The following SFMBT1 variants were observed in gnomAD, a reference collection of about 807,000 sequenced individuals.
SFMBT1 encodes the protein Scm like with four mbt domains 1, also known as scm-like with four MBT domains protein 1.
SFMBT1 carries 32 observed loss-of-function variants against 108.7 expected under a neutral mutation model. The ratio of observed to expected loss-of-function variants is 0.29; its 90% CI spans 0.22 to 0.40. The LOEUF (loss-of-function observed/expected upper bound fraction) is 0.40, where lower values mean the gene tolerates loss of function less well. SFMBT1 is among the 10% of genes least tolerant of loss of function. The pLI is 1.00. For synonymous variants in SFMBT1, 348 were observed against 369.5 expected (o/e 0.94, Z 0.67); for missense variants, 816 against 1,059.6 (o/e 0.77, Z 3.19).
chr3:52,923,422 C>G (rs1243156541), intron 10 of SFMBT1, among the ~76,000 whole-genome samples: 1 of 151,870 alleles, frequency 6.6e-6, no homozygotes, highest in African/African-American at 2.4e-5. Context: ...AAAAAATTAG[C>G]TGGGTGTGGT....
chr3:52,940,858 G>A (rs1158838508), intron 4 of SFMBT1, among the ~76,000 whole-genome samples: 1 of 152,050 alleles, frequency 6.6e-6, no homozygotes, highest in Non-Finnish European at 1.5e-5. Context: ...CCTGTAATAA[G>A]GCAAATCAAT....
intron 1 of SFMBT1, among the ~76,000 whole-genome samples, chr3:53,041,698 C>CATAA (rs1700060024): frequency 2.3e-5 from 1 of 44,114 alleles, no homozygotes; most frequent in Non-Finnish European, 4.0e-5. Context: ...AAGTCTGTCT[C>CATAA]AAAAAAAAAA....
chr3:52,960,268 G>T (rs9809655), intron 2 of SFMBT1, among the ~76,000 whole-genome samples: 2 of 151,962 alleles, frequency 1.3e-5, no homozygotes, highest in African/African-American at 4.8e-5. Context: ...AAAAGAATAC[G>T]TATCAACTTC....
At chr3:53,012,916 T>C (rs1001632351) in intron 1 of SFMBT1, among the ~76,000 whole-genome samples, 2 of 151,672 alleles carry the variant, frequency 1.3e-5, no homozygotes, top group African/African-American at 4.9e-5. Flanking sequence ...GATTGGAGCA[T>C]ATTTCACCTG....
chr3:53,006,566 T>C (rs1698749373), intron 1 of SFMBT1, among the ~76,000 whole-genome samples: 1 of 149,082 alleles, frequency 6.7e-6, no homozygotes, highest in Non-Finnish European at 1.5e-5. Context: ...GAGACAGAGG[T>C]TGTAGTGAGC....
At chr3:52,972,841 A>AACACACACACACACAC (rs55688451) in intron 1 of SFMBT1, among the ~76,000 whole-genome samples, 12 of 118,916 alleles carry the variant, frequency 1.0e-4, no homozygotes, top group African/African-American at 3.4e-4. Context: ...ATCTCTACTA[A>AACACACACACACACAC]ACACACACAC....
chr3:52,980,655 TAAAAAAA>T (rs34854186), intron 1 of SFMBT1, among the ~76,000 whole-genome samples: 3 of 125,138 alleles, frequency 2.4e-5, no homozygotes, highest in African/African-American at 8.8e-5. Context: ...GACCATTGTT[TAAAAAAA>T]AAAAAAAAAA....
At chr3:52,988,299 A>AT (rs1234774454) in intron 1 of SFMBT1, among the ~76,000 whole-genome samples, 2 of 152,248 alleles carry the variant, frequency 1.3e-5, no homozygotes, top group Non-Finnish European at 2.9e-5. Flanking sequence ...ATTCACTGGA[A>AT]TTTTTTTTAA....
rs375253884 is a variant in SFMBT1 at position 52,907,550 on chromosome 3, C to T, written c.2085+5G>A. ...GACATTACAGGCACATCACAGATCT[C>T]ATACCTGGGGAGAGCCCGCTGGGGT... is the stretch of plus-strand genomic sequence containing the variant. On this transcript the variant is annotated splice_donor_5th_base_variant and intron_variant, in intron 18 of 20. Transcript: ENST00000394752. 10 of 1,611,038 alleles carry T rather than the reference C, an allele frequency of 6.2e-6. No homozygotes were observed. In the African/African-American group the frequency reaches 9.4e-5, roughly 15 times the overall value.
intron 1 of SFMBT1, among the ~76,000 whole-genome samples, chr3:53,020,093 G>A (rs1699254690): frequency 6.6e-6 from 1 of 151,670 alleles, no homozygotes; most frequent in African/African-American, 2.4e-5. Context: ...GCCGTGGCCA[G>A]TGAGTACCAA....
rs1450219979 is a variant in SFMBT1 at position 52,934,850 on chromosome 3, A to T, written c.416T>A (p.Ile139Lys). 2 of 1,613,660 alleles carry T rather than the reference A, an allele frequency of 1.2e-6. No individual in the cohort carries two copies. Among genetic ancestry groups the T allele is most frequent in the Non-Finnish European group, 1.7e-6 (2 of 1,179,836 alleles). ...CGGAACAGGAGGACTACATGCTCCT[A>T]TCAGGGTCTGCCGCAGAAACTCATC... ...DWDEFLRQTLIGACSPPVPLL... is the reference protein window; with the variant it reads ...DWDEFLRQTLKGACSPPVPLL... Residue 139 changes from isoleucine to lysine, a missense_variant, in exon 5 of 21, where the codon ATA becomes AAA. Physicochemically the swap from Ile to Lys is moderately radical, Grantham distance 102 (BLOSUM62 -3). Around this residue, in one of 5 missense-constraint regions of SFMBT1, gnomAD observed 495 missense variants for 607.4 expected, o/e 0.81. Coordinates refer to ENST00000394752, the MANE Select transcript of SFMBT1 (RefSeq NM_016329.4).
chr3:53,023,877 A>T (rs1699397492), intron 1 of SFMBT1, among the ~76,000 whole-genome samples: 1 of 152,176 alleles, frequency 6.6e-6, no homozygotes, highest in African/African-American at 2.4e-5. Context: ...CCAAATTCAA[A>T]ATTTATATAA....
intron 1 of SFMBT1, among the ~76,000 whole-genome samples, chr3:52,970,063 T>C (rs996768220): frequency 1.7e-4 from 26 of 150,506 alleles, no homozygotes; most frequent in African/African-American, 5.2e-4. Flanking sequence ...ATCGCACCAC[T>C]GCACTCCAGC....
intron 1 of SFMBT1, among the ~76,000 whole-genome samples, chr3:52,983,859 A>G (rs1218394017): frequency 2.0e-5 from 3 of 152,198 alleles, no homozygotes; most frequent in Non-Finnish European, 2.9e-5. Context: ...GCTTTGGGGA[A>G]GCCATTGAAG....
At chr3:53,020,876 G>A (rs185987071) in intron 1 of SFMBT1, among the ~76,000 whole-genome samples, 1 of 152,276 alleles carries the variant, frequency 6.6e-6, no homozygotes, top group African/African-American at 2.4e-5. Context: ...GGCCAACATG[G>A]AGAAACCTTG....
rs1206497575 is a variant in SFMBT1, at chr3:52,989,432, AAAAAAAG to A, written c.-130-20181_-130-20175del. Among the ~76,000 whole-genome samples, 8 of 138,824 alleles carry A rather than the reference AAAAAAAG, an allele frequency of 5.8e-5. No homozygotes were observed. In the East Asian group the frequency reaches 6.7e-4, roughly 12 times the overall value. The allele number at this position is 138,824 out of a possible 152,430, so 91.1% of individuals were successfully genotyped here. A position where few individuals can be genotyped will look rare whatever the true frequency, so the allele number is the denominator to read the frequency against. On this transcript the variant is annotated intron_variant, in intron 1 of 20. Coordinates refer to ENST00000394752, the MANE Select transcript of SFMBT1 (RefSeq NM_016329.4). ...AGCCTGACTCCATCTCAAAAAAAAAAAAAAAAGAAAGAAAGAAAGAAAGAAAGAAACA... is the reference window on the plus strand; with the variant it reads ...AGCCTGACTCCATCTCAAAAAAAAAAAAAGAAAGAAAGAAAGAAAGAAACA...
chr3:52,905,442 G>C lies in SFMBT1; in HGVS notation c.2461-166C>G, dbSNP rs561968931. ...ACACTTCCTTTTAAGTGACTCCATAGTCTTCCACACTAATGAAGCTTCAGA... is the reference window on the plus strand; with the variant it reads ...ACACTTCCTTTTAAGTGACTCCATACTCTTCCACACTAATGAAGCTTCAGA... On this transcript the variant is annotated intron_variant, in intron 20 of 20. Coordinates refer to ENST00000394752, the MANE Select transcript of SFMBT1 (RefSeq NM_016329.4). Among the ~76,000 whole-genome samples, 3 of 152,248 alleles carry C rather than the reference G, an allele frequency of 2.0e-5. No homozygotes were observed. The East Asian group carries it at 5.8e-4, about 29-fold the overall frequency.
At chr3:52,989,672 G>A (rs915584812) in intron 1 of SFMBT1, among the ~76,000 whole-genome samples, 12 of 151,380 alleles carry the variant, frequency 7.9e-5, no homozygotes, top group African/African-American at 2.4e-4. Flanking sequence ...GGTGGCGCGC[G>A]CCTGTAGTCC....
intron 8 of SFMBT1, chr3:52,928,645 TATATATATAC>T (rs1702756148): frequency 4.1e-5 from 4 of 97,380 alleles, no homozygotes; most frequent in South Asian, 5.3e-4. Context: ...TACATATATA[TATATATATAC>T]ACATATATAC....
Sources: allele counts gnomAD v4.1 joint callset (sites outside exome capture counted in the v4.1 genomes callset), GRCh38; gene constraint gnomAD v4.1.1; regional missense constraint gnomAD v4.1.1; transcripts MANE v1.5; gene names NCBI Gene and HGNC (gene_info 2026-07-23, HGNC 2026-07-21).